Variants in SPAST observed in about 807,000 individuals in gnomAD.
The protein encoded by SPAST is spastin, also known as spastic paraplegia 4 (autosomal dominant; spastin).
A neutral mutation model predicts 76.6 loss-of-function variants in SPAST; 30 were observed. That is an observed-to-expected ratio of 0.39 (90% CI 0.29 to 0.53). The LOEUF (loss-of-function observed/expected upper bound fraction) is 0.53, where lower values mean the gene tolerates loss of function less well. SPAST is among the 20% of genes least tolerant of loss of function. SPAST has a pLI of 0.68. For synonymous variants in SPAST, 305 were observed against 281.0 expected (o/e 1.09, Z -0.86); for missense variants, 717 against 770.5 (o/e 0.93, Z 0.82).
At chr2:32,076,276 T>C (rs530227236) in intron 1 of SPAST, among the ~76,000 whole-genome samples, 3 of 152,344 alleles carry the variant, frequency 2.0e-5, no homozygotes, top group African/African-American at 7.2e-5. Flanking sequence ...TAGAATGATG[T>C]CTTTACATAG....
chr2:32,079,457 G>C (rs1677110032), intron 1 of SPAST, among the ~76,000 whole-genome samples: 1 of 151,538 alleles, frequency 6.6e-6, no homozygotes, highest in Admixed American at 6.6e-5. Flanking sequence ...GTTGCAGTGA[G>C]ATCATACCAC....
chr2:32,127,840 CTCTT>C (rs1679244862), intron 8 of SPAST: 1 of 152,124 alleles, frequency 6.6e-6, no homozygotes, highest in South Asian at 2.1e-4. Flanking sequence ...AACACTGTCT[CTCTT>C]TTTTTTTAAA....
At chr2:32,135,617 T>C (rs555018455) in intron 9 of SPAST, among the ~76,000 whole-genome samples, 24 of 152,242 alleles carry the variant, frequency 1.6e-4, no homozygotes, top group Admixed American at 2.0e-4. Flanking sequence ...TGGGAATGTC[T>C]CAAGGGGTGT....
chr2:32,155,128 T>C lies in SPAST; in HGVS notation c.*632T>C, dbSNP rs1294072667. 6.5e-6 allele frequency: 1 copy of C among 153,126 alleles called. No homozygotes were observed. The highest frequency in any genetic ancestry group is 2.4e-5 in the African/African-American group (1 of 41,470). 9.5% of individuals were successfully genotyped at this position (153,126 alleles called of 1,614,324 possible). On this transcript the variant is annotated 3_prime_UTR_variant, in exon 17 of 17. Coordinates refer to ENST00000315285, the MANE Select transcript of SPAST (RefSeq NM_014946.4). ...GTGTTCTTTTTACCTTTTATTTTTC[T>C]ATTACCTTGCTACCAAACAGTTTAG...
At chr2:32,088,781 G>T (rs964255591) in intron 2 of SPAST, among the ~76,000 whole-genome samples, 1 of 152,050 alleles carries the variant, frequency 6.6e-6, no homozygotes, top group Non-Finnish European at 1.5e-5. Flanking sequence ...TAATCTTATT[G>T]AAGAGGCTGT....
chr2:32,086,483 C>T (rs892361600), intron 1 of SPAST, among the ~76,000 whole-genome samples: 16 of 151,474 alleles, frequency 1.1e-4, no homozygotes, highest in Non-Finnish European at 2.1e-4. Flanking sequence ...AAAAATGAGG[C>T]CGGGCGCGGT....
chr2:32,113,141 T>G (rs1365397246), intron 4 of SPAST, among the ~76,000 whole-genome samples: 1 of 152,116 alleles, frequency 6.6e-6, no homozygotes, highest in Non-Finnish European at 1.5e-5. Context: ...TATTATTTTT[T>G]TTTTGAGACA....
chr2:32,071,062 G>C (rs1676729691), intron 1 of SPAST, among the ~76,000 whole-genome samples: 1 of 152,190 alleles, frequency 6.6e-6, no homozygotes, highest in Non-Finnish European at 1.5e-5. Context: ...GAGGAAAAGA[G>C]AAGGTTGTAA....
At chr2:32,088,981 A>G (rs538273592) in intron 2 of SPAST, among the ~76,000 whole-genome samples, 1 of 152,282 alleles carries the variant, frequency 6.6e-6, no homozygotes, top group East Asian at 1.9e-4. Flanking sequence ...TTTAGACCCC[A>G]TGAAATAAGA....
At chr2:32,068,780 G>A (rs949203549) in intron 1 of SPAST, among the ~76,000 whole-genome samples, 2 of 151,916 alleles carry the variant, frequency 1.3e-5, no homozygotes, top group East Asian at 3.9e-4. Context: ...TGTAATCCCA[G>A]CTACTCGGGA....
At chr2:32,104,316 C>G (rs537203697) in intron 4 of SPAST, among the ~76,000 whole-genome samples, 2 of 152,236 alleles carry the variant, frequency 1.3e-5, no homozygotes, top group South Asian at 4.1e-4. Flanking sequence ...AGATCTTCCT[C>G]CATCCCTTTA....
chr2:32,115,686 T>C lies in SPAST; in HGVS notation c.871-16T>C, dbSNP rs1678800864. The C allele has an allele frequency of 1.3e-6, 2 of 1,581,668 alleles. No individual in the cohort carries two copies. The highest frequency in any genetic ancestry group is 1.7e-6 in the Non-Finnish European group (2 of 1,153,904). ...GTTAGGTTGTATTTTCATATTAAAA[T>C]TTTGTATCCTTTAAGGGTACTCCGA... is the stretch of plus-strand genomic sequence containing the variant. On this transcript the variant is annotated splice_polypyrimidine_tract_variant and intron_variant, in intron 5 of 16. Transcript: ENST00000315285.
rs925050850 is a variant in SPAST, at chr2:32,063,574, C to G, written c.-258C>G. The G allele has an allele frequency of 2.0e-6, 1 of 510,976 alleles. No individual in the cohort carries two copies. Among genetic ancestry groups the G allele is most frequent in the African/African-American group, 2.1e-5 (1 of 48,596 alleles). The allele number at this position is 510,976 out of a possible 1,614,324, so 31.7% of individuals were successfully genotyped here. ...CGCGTGCGCGGCCGCCGCTGGGAGC[C>G]ACCAGGCGGCGGAGAGGACAGCGAC... is the stretch of plus-strand genomic sequence containing the variant. On this transcript the variant is annotated 5_prime_UTR_variant, in exon 1 of 17. Coordinates refer to ENST00000315285, the MANE Select transcript of SPAST (RefSeq NM_014946.4).
At chr2:32,093,632 G>T (rs1042893463) in intron 3 of SPAST, among the ~76,000 whole-genome samples, 2 of 152,008 alleles carry the variant, frequency 1.3e-5, no homozygotes, top group African/African-American at 4.8e-5. Flanking sequence ...TCTTCTCCCT[G>T]TTGGAATATA....
rs368803814 is a variant in SPAST, at chr2:32,071,442, CA to C, written c.415+7198del. 4.6e-3 allele frequency among the ~76,000 whole-genome samples: 698 copies of C among 152,218 alleles called. 2 individuals are homozygous for C. The highest frequency in any genetic ancestry group is 0.031 in the Middle Eastern group (9 of 294). On this transcript the variant is annotated intron_variant, in intron 1 of 16. Coordinates refer to ENST00000315285, the MANE Select transcript of SPAST (RefSeq NM_014946.4). The stretch of plus-strand genomic sequence containing the variant: ...ATGTGTGTATTTAAAATAACTTCGT[CA>C]ATGAAAAGAGTCAAACTCTGTAAAA...
intron 4 of SPAST, among the ~76,000 whole-genome samples, chr2:32,108,758 CTTTTTTTTTTTTTT>C (rs71407413): frequency 1.4e-5 from 1 of 73,888 alleles, no homozygotes; most frequent in Non-Finnish European, 2.4e-5. Flanking sequence ...GCTGGTATAG[CTTTTTTTTTTTTTT>C]TTTTTTTTTT....
At chr2:32,065,645 C>A (rs150446522) in intron 1 of SPAST, among the ~76,000 whole-genome samples, 56 of 152,320 alleles carry the variant, frequency 3.7e-4, no homozygotes, top group African/African-American at 1.3e-3. Flanking sequence ...TCTTGCTTCT[C>A]CCTCTGCCAA....
At chr2:32,128,724 G>T in intron 9 of SPAST, 1 of 486,622 alleles carries the variant, frequency 2.1e-6, no homozygotes, top group East Asian at 3.9e-5. Flanking sequence ...TTAAACATCA[G>T]CAATTTATTG....
At chr2:32,139,029 T>A (rs1457585766) in intron 12 of SPAST, among the ~76,000 whole-genome samples, 2 of 152,196 alleles carry the variant, frequency 1.3e-5, no homozygotes, top group Non-Finnish European at 2.9e-5. Context: ...TGTGTCTGTT[T>A]TTATACCAGA....
Sources: gnomAD v4.1 joint callset for allele counts (sites outside exome capture counted in the v4.1 genomes callset) on GRCh38, gnomAD v4.1.1 for gene constraint, MANE v1.5 for transcripts, NCBI Gene and HGNC (gene_info 2026-07-23, HGNC 2026-07-21) for gene names.